Variants in C1QTNF7 observed in about 807,000 individuals in gnomAD.
C1QTNF7 encodes the protein C1q and TNF related 7.
In C1QTNF7, 15 loss-of-function variants were observed where a neutral mutation model predicts 19.6. The observed-to-expected ratio is 0.76, with a 90% confidence interval of 0.51 to 1.18. C1QTNF7 has a LOEUF of 1.18. C1QTNF7 is among the 50% of genes most tolerant of loss of function. C1QTNF7 has a pLI of 0.00. For synonymous variants in C1QTNF7, 142 were observed against 137.5 expected (o/e 1.03, Z -0.23); for missense variants, 324 against 359.7 (o/e 0.90, Z 0.80).
chr4:15,418,534 T>G (rs149910209), intron 1 of C1QTNF7, among the ~76,000 whole-genome samples: 44 of 152,296 alleles, frequency 2.9e-4, no homozygotes, highest in African/African-American at 9.4e-4. Context: ...TTCACCTGGC[T>G]AAGTCATCCT....
At chr4:15,425,561 A>G (rs781166411), upstream of C1QTNF7, among the ~76,000 whole-genome samples, 1 of 152,180 alleles carries the variant, frequency 6.6e-6, no homozygotes, top group African/African-American at 2.4e-5. Context: ...GAAGAAACAG[A>G]GGGTATGCAA....
intron 1 of C1QTNF7, among the ~76,000 whole-genome samples, chr4:15,349,462 A>G (rs1246403257): frequency 6.6e-6 from 1 of 152,196 alleles, no homozygotes; most frequent in African/African-American, 2.4e-5. Flanking sequence ...ACAGGATTTG[A>G]GGCAAAATGA....
chr4:15,368,974 T>G (rs1560344675), intron 1 of C1QTNF7, among the ~76,000 whole-genome samples: 2 of 152,218 alleles, frequency 1.3e-5, no homozygotes, highest in Admixed American at 1.3e-4. Flanking sequence ...GTTGTTACAC[T>G]GTCTTGGAGA....
At chr4:15,350,086 G>A (rs186726193) in intron 1 of C1QTNF7, among the ~76,000 whole-genome samples, 137 of 139,162 alleles carry the variant, frequency 9.8e-4, no homozygotes, top group African/African-American at 3.5e-3. Context: ...AGAGAGGAAG[G>A]GAGGGAGGGA....
chr4:15,423,827 C>A (rs577093227), upstream of C1QTNF7, among the ~76,000 whole-genome samples: 6 of 152,168 alleles, frequency 3.9e-5, no homozygotes, highest in Admixed American at 2.0e-4. Flanking sequence ...CCGTTTCCCC[C>A]CCTTTTAGGT....
chr4:15,441,610 T>C lies in C1QTNF7; in HGVS notation c.239-558T>C, dbSNP rs960106489. Reference sequence around the variant, plus strand: ...GGCAAGTGATCCATCATCAAAATGATAGTTAATTATGTTAAATTTGTCAGG... The same window carrying C: ...GGCAAGTGATCCATCATCAAAATGACAGTTAATTATGTTAAATTTGTCAGG... On this transcript the variant is annotated intron_variant, in intron 2 of 2. Transcript: ENST00000444304. Among the ~76,000 whole-genome samples the C allele has an allele frequency of 7.2e-5, 11 of 152,342 alleles. No homozygotes were observed. In the East Asian group the frequency reaches 2.1e-3, roughly 29 times the overall value.
chr4:15,340,167 T>C (rs759455024), exon 1 of C1QTNF7: 2 of 1,551,502 alleles, frequency 1.3e-6, no homozygotes, highest in Admixed American at 2.0e-5. Context: ...GAAAGCCTCA[T>C]GTTTTGGGGG....
At chr4:15,368,427 C>T (rs1717605517) in intron 1 of C1QTNF7, among the ~76,000 whole-genome samples, 1 of 152,092 alleles carries the variant, frequency 6.6e-6, no homozygotes, top group Admixed American at 6.6e-5. Context: ...TATCCTAATG[C>T]TATCCCTCCC....
intron 1 of C1QTNF7, among the ~76,000 whole-genome samples, chr4:15,397,405 C>T (rs1718827041): frequency 6.6e-6 from 1 of 152,234 alleles, no homozygotes; most frequent in East Asian, 1.9e-4. Context: ...TGGGCCTAAG[C>T]TCAGGGCTCC....
chr4:15,380,279 AG>A (rs996752009), intron 1 of C1QTNF7, among the ~76,000 whole-genome samples: 1 of 152,278 alleles, frequency 6.6e-6, no homozygotes, highest in African/African-American at 2.4e-5. Flanking sequence ...ATTATGCAGG[AG>A]GTTTATTTTT....
chr4:15,431,838 T>C (rs547380338), intron 1 of C1QTNF7, among the ~76,000 whole-genome samples: 3 of 152,150 alleles, frequency 2.0e-5, no homozygotes, highest in African/African-American at 7.2e-5. Context: ...AATATAGATA[T>C]AAAATAAAGA....
At chr4:15,429,811 A>G (rs1428991605) in intron 1 of C1QTNF7, among the ~76,000 whole-genome samples, 1 of 152,208 alleles carries the variant, frequency 6.6e-6, no homozygotes, top group Admixed American at 6.5e-5. Context: ...TTGCCATATC[A>G]TATGGTAATT....
chr4:15,350,110 GC>G (rs1716862435), intron 1 of C1QTNF7, among the ~76,000 whole-genome samples: 2 of 126,226 alleles, frequency 1.6e-5, no homozygotes, highest in African/African-American at 6.1e-5. Context: ...AGGAAGGGAG[GC>G]AGGCAGGCAA....
At chr4:15,414,847 C>G (rs1719534216) in intron 1 of C1QTNF7, among the ~76,000 whole-genome samples, 1 of 151,968 alleles carries the variant, frequency 6.6e-6, no homozygotes, top group Non-Finnish European at 1.5e-5. Context: ...TCATAGCCAT[C>G]ATAGAGTTCC....
intron 1 of C1QTNF7, among the ~76,000 whole-genome samples, chr4:15,356,661 G>A (rs1717156159): frequency 6.6e-6 from 1 of 152,178 alleles, no homozygotes; most frequent in Non-Finnish European, 1.5e-5. Context: ...CTAGATCCTT[G>A]AGGAATCACC....
chr4:15,374,871 C>CTTTT, intron 1 of C1QTNF7: 18 of 441,524 alleles, frequency 4.1e-5, no homozygotes, highest in Non-Finnish European at 5.3e-5. Flanking sequence ...CTCTCTCTCT[C>CTTTT]TTTTTTTTTA....
At chr4:15,395,117 C>A (rs955040447) in intron 1 of C1QTNF7, among the ~76,000 whole-genome samples, 1 of 152,128 alleles carries the variant, frequency 6.6e-6, no homozygotes, top group African/African-American at 2.4e-5. Flanking sequence ...GAAGAGAGAG[C>A]CTGGGCCAGA....
chr4:15,436,531 G>T (rs922595574), intron 2 of C1QTNF7, among the ~76,000 whole-genome samples: 8 of 152,218 alleles, frequency 5.3e-5, no homozygotes, highest in African/African-American at 1.9e-4. Context: ...CAGATGAAGT[G>T]ACAATAGCAC....
intron 1 of C1QTNF7, among the ~76,000 whole-genome samples, chr4:15,387,973 C>T (rs1433087300): frequency 6.6e-6 from 1 of 152,102 alleles, no homozygotes; most frequent in Non-Finnish European, 1.5e-5. Flanking sequence ...AAGATGGTAT[C>T]CAGGGCACAG....
Sources: gnomAD v4.1 joint callset for allele counts (sites outside exome capture counted in the v4.1 genomes callset) on GRCh38, gnomAD v4.1.1 for gene constraint, MANE v1.5 for transcripts, NCBI Gene and HGNC (gene_info 2026-07-23, HGNC 2026-07-21) for gene names.